Variants in GPC5 observed in about 807,000 individuals in gnomAD.
The protein encoded by GPC5 is glypican 5, also known as glypican-5.
GPC5 carries 47 observed loss-of-function variants against 53.9 expected under a neutral mutation model. The observed-to-expected ratio is 0.87, with a 90% CI of 0.69 to 1.11. The LOEUF is 1.11. GPC5 is among the 50% of genes most tolerant of loss of function. The pLI is 0.00. For missense variants in GPC5, 748 were observed against 713.1 expected (o/e 1.05, Z -0.56); for synonymous variants, 286 against 263.3 (o/e 1.09, Z -0.84).
intron 6 of GPC5, among the ~76,000 whole-genome samples, chr13:91,911,576 A>C (rs2039611083): frequency 6.6e-6 from 1 of 152,094 alleles, no homozygotes; most frequent in Admixed American, 6.6e-5. Context: ...AACTTTAATA[A>C]ATCAATAAAT....
chr13:92,081,908 A>C (rs1337604257), intron 6 of GPC5, among the ~76,000 whole-genome samples: 1 of 152,146 alleles, frequency 6.6e-6, no homozygotes, highest in Non-Finnish European at 1.5e-5. Context: ...ACATGAACAT[A>C]ATAGTGTAAA....
At chr13:92,148,815 C>A (rs1219444150) in intron 7 of GPC5, among the ~76,000 whole-genome samples, 5 of 152,046 alleles carry the variant, frequency 3.3e-5, no homozygotes, top group Non-Finnish European at 7.4e-5. Flanking sequence ...ATATTAAAAT[C>A]TATACTTCTT....
intron 7 of GPC5, among the ~76,000 whole-genome samples, chr13:92,276,010 G>A (rs1371812572): frequency 6.6e-6 from 1 of 152,086 alleles, no homozygotes; most frequent in East Asian, 1.9e-4. Flanking sequence ...AACAGGTACA[G>A]GCCTAGCATA....
At chr13:92,786,510 A>G (rs1876237673) in intron 7 of GPC5, among the ~76,000 whole-genome samples, 1 of 152,118 alleles carries the variant, frequency 6.6e-6, no homozygotes, top group Admixed American at 6.6e-5. Flanking sequence ...GTGATTAAAC[A>G]AAGGCAGAAG....
At chr13:92,420,278 G>C (rs538400664) in intron 7 of GPC5, among the ~76,000 whole-genome samples, 9 of 151,986 alleles carry the variant, frequency 5.9e-5, no homozygotes, top group Middle Eastern at 6.8e-3. Flanking sequence ...CCTAAACATA[G>C]GTAAGATTAT....
In GPC5 at chr13:91,555,188, A is replaced by G. The variant is rs1338939785; in HGVS notation, c.325+106266A>G. 2.0e-5 allele frequency among the ~76,000 whole-genome samples: 3 copies of G among 152,086 alleles called. No individual in the cohort carries two copies. The South Asian group carries it at 6.2e-4, about 31-fold the overall frequency. The stretch of plus-strand genomic sequence containing the variant: ...CCAACTAGAATACAGTATCACCACC[A>G]GGATATTGATTGATACAGCCAAGTG... On this transcript the variant is annotated intron_variant, in intron 2 of 7. Transcript: ENST00000377067.
chr13:91,753,010 G>A (rs1175359771), intron 4 of GPC5, among the ~76,000 whole-genome samples: 2 of 152,166 alleles, frequency 1.3e-5, no homozygotes, highest in Non-Finnish European at 2.9e-5. Flanking sequence ...TGAACATGTT[G>A]AGAATGAAAC....
chr13:92,428,937 A>G lies in GPC5; in HGVS notation c.1561+283948A>G, dbSNP rs1353426694. ...CACATGTAAAAGCTTACTATATAAT[A>G]AATCTGTGACGAAAGAATAAATCAG... On this transcript the variant is annotated intron_variant, in intron 7 of 7. Coordinates refer to ENST00000377067, the MANE Select transcript of GPC5 (RefSeq NM_004466.6). 2.0e-5 allele frequency among the ~76,000 whole-genome samples: 3 copies of G among 152,276 alleles called. No homozygotes were observed. In the East Asian group the frequency reaches 5.8e-4, roughly 29 times the overall value.
chr13:92,620,200 CGGAA>C (rs1884825802), intron 7 of GPC5, among the ~76,000 whole-genome samples: 1 of 151,660 alleles, frequency 6.6e-6, no homozygotes, highest in Non-Finnish European at 1.5e-5. Context: ...AAATAAGTGG[CGGAA>C]AGAAAAAGAT....
chr13:91,535,890 T>A (rs918813345), intron 2 of GPC5, among the ~76,000 whole-genome samples: 2 of 152,342 alleles, frequency 1.3e-5, no homozygotes, highest in Admixed American at 1.3e-4. Flanking sequence ...CTAATATGTA[T>A]ACTAGTGCTA....
At chr13:92,336,181 C>T (rs1468120691) in intron 7 of GPC5, among the ~76,000 whole-genome samples, 1 of 152,104 alleles carries the variant, frequency 6.6e-6, no homozygotes, top group Non-Finnish European at 1.5e-5. Context: ...TCAATAAATC[C>T]ATGTTTCTAC....
chr13:92,748,228 A>C (rs1260884314), intron 7 of GPC5, among the ~76,000 whole-genome samples: 1 of 151,732 alleles, frequency 6.6e-6, no homozygotes, highest in Admixed American at 6.6e-5. Flanking sequence ...TTTGATATAC[A>C]TCATAATAAT....
intron 7 of GPC5, among the ~76,000 whole-genome samples, chr13:92,261,404 A>G (rs968710870): frequency 7.2e-5 from 11 of 152,154 alleles, no homozygotes; most frequent in African/African-American, 2.2e-4. Context: ...TTGTAATAAG[A>G]AATTAAATAT....
At chr13:92,682,371 C>T (rs138263210) in intron 7 of GPC5, among the ~76,000 whole-genome samples, 63 of 152,202 alleles carry the variant, frequency 4.1e-4, no homozygotes, top group African/African-American at 1.4e-3. Flanking sequence ...TTAAAGTGCA[C>T]GTAATAGGAG....
chr13:91,635,527 C>T (rs980606139), intron 2 of GPC5, among the ~76,000 whole-genome samples: 2 of 151,994 alleles, frequency 1.3e-5, no homozygotes, highest in South Asian at 2.1e-4. Context: ...TCAGCATTTT[C>T]CTTTATGCTA....
At chr13:91,883,306 C>A (rs1221454694) in intron 5 of GPC5, among the ~76,000 whole-genome samples, 1 of 152,188 alleles carries the variant, frequency 6.6e-6, no homozygotes, top group Non-Finnish European at 1.5e-5. Context: ...ATTATCTAAC[C>A]TTAAAGGTCA....
At chr13:91,538,731 C>T (rs1030705257) in intron 2 of GPC5, among the ~76,000 whole-genome samples, 1 of 151,688 alleles carries the variant, frequency 6.6e-6, no homozygotes, top group Non-Finnish European at 1.5e-5. Context: ...TACAGGTGCC[C>T]GCCACGACGC....
chr13:92,085,581 C>A (rs929397913), intron 6 of GPC5, among the ~76,000 whole-genome samples: 1 of 152,220 alleles, frequency 6.6e-6, no homozygotes, highest in Non-Finnish European at 1.5e-5. Context: ...GAGCCCCTTA[C>A]ATTTATTGTG....
At chr13:92,087,170 T>A (rs1162519708) in intron 6 of GPC5, among the ~76,000 whole-genome samples, 1 of 152,210 alleles carries the variant, frequency 6.6e-6, no homozygotes, top group African/African-American at 2.4e-5. Flanking sequence ...ATAGAGAGAT[T>A]CAGGGAGAGT....
Sources: gnomAD v4.1 joint callset for allele counts (sites outside exome capture counted in the v4.1 genomes callset) on GRCh38, gnomAD v4.1.1 for gene constraint, MANE v1.5 for transcripts, NCBI Gene and HGNC (gene_info 2026-07-23, HGNC 2026-07-21) for gene names.